TOX: variants seen among roughly 807,000 people sequenced by gnomAD.
The protein encoded by TOX is thymocyte selection associated high mobility group box.
Under a neutral mutation model 53.7 loss-of-function variants are expected in TOX, and 11 were observed. The ratio of observed to expected loss-of-function variants is 0.20; its 90% CI spans 0.13 to 0.34. TOX has a LOEUF of 0.34. Among genes scored for constraint, TOX ranks in the 10% least tolerant of loss-of-function variants. TOX has a pLI of 1.00. For missense variants in TOX, 570 were observed against 664.6 expected, an observed-to-expected ratio of 0.86 and a Z score of 1.56; for synonymous variants, 225 against 245.3, an observed-to-expected ratio of 0.92 and a Z score of 0.77.
At chr8:58,945,707 T>C (rs1812512848) in intron 2 of TOX, among the ~76,000 whole-genome samples, 2 of 152,212 alleles carry the variant, frequency 1.3e-5, no homozygotes, top group Admixed American at 6.5e-5. Context: ...AAATGGAATG[T>C]TAATTATGCT....
At chr8:58,846,910 G>C (rs994685075) in intron 4 of TOX, among the ~76,000 whole-genome samples, 18 of 152,250 alleles carry the variant, frequency 1.2e-4, no homozygotes, top group African/African-American at 4.3e-4. Flanking sequence ...CCCAGAACAT[G>C]CAAGAATGGC....
intron 1 of TOX, among the ~76,000 whole-genome samples, chr8:59,040,308 G>A (rs1469473998): frequency 1.7e-5 from 2 of 120,540 alleles, no homozygotes; most frequent in Admixed American, 1.1e-4. Flanking sequence ...CAGCCTGGGC[G>A]ACAGAGCGAG....
chr8:59,003,257 GC>G (rs1813727146), intron 1 of TOX, among the ~76,000 whole-genome samples: 2 of 152,082 alleles, frequency 1.3e-5, no homozygotes, highest in Non-Finnish European at 2.9e-5. Context: ...TATTTTCAAT[GC>G]CTTTTTTCTA....
intron 1 of TOX, among the ~76,000 whole-genome samples, chr8:59,111,342 C>G (rs903651094): frequency 6.6e-6 from 1 of 152,120 alleles, no homozygotes; most frequent in Admixed American, 6.5e-5. Context: ...GTTTAAAGCC[C>G]TAAGATTCTC....
intron 1 of TOX, among the ~76,000 whole-genome samples, chr8:59,039,863 C>G (rs1196157439): frequency 6.6e-6 from 1 of 152,164 alleles, no homozygotes; most frequent in East Asian, 1.9e-4. Flanking sequence ...TAAGTACGAG[C>G]TTGAAGAAAC....
At chr8:59,058,815 C>G (rs570018776) in intron 1 of TOX, among the ~76,000 whole-genome samples, 1 of 152,186 alleles carries the variant, frequency 6.6e-6, no homozygotes, top group African/African-American at 2.4e-5. Context: ...ACCAAGGAGC[C>G]TTTCTCTGTT....
chr8:59,105,974 C>G (rs1032457615), intron 1 of TOX, among the ~76,000 whole-genome samples: 8 of 152,058 alleles, frequency 5.3e-5, no homozygotes, highest in African/African-American at 1.7e-4. Context: ...GGGTTTTAGG[C>G]ATTTCAGTAA....
rs116047075 is a variant in TOX at position 58,814,988 on chromosome 8, G to A, written c.1392+350C>T. Among the ~76,000 whole-genome samples the A allele has an allele frequency of 4.1e-3, 630 of 152,144 alleles. 5 individuals carry two copies. The highest frequency in any genetic ancestry group is 0.014 in the African/African-American group (595 of 41,518). ...AGAATTCTCTATTCCAAAGAGATTC[G>A]GCAGCACTTGGTATCTTAAAATAAC... On this transcript the variant is annotated intron_variant, in intron 7 of 8. Coordinates refer to ENST00000361421, the MANE Select transcript of TOX (RefSeq NM_014729.3).
Position 58,959,839 on chromosome 8 carries a change from T to G in TOX, c.168+104A>C, listed in dbSNP as rs1046000690. 1.3e-5 allele frequency: 15 copies of G among 1,178,432 alleles called. No homozygotes were observed. In the African/African-American group the frequency reaches 2.0e-4, roughly 15 times the overall value. 73.0% of individuals were successfully genotyped at this position (1,178,432 alleles called of 1,614,324 possible). On this transcript the variant is annotated intron_variant, in intron 2 of 8. Coordinates refer to ENST00000361421, the MANE Select transcript of TOX (RefSeq NM_014729.3). ...TGCTTTGTTTATAAATTATGATTAT[T>G]CCTGATTGCGGCAGTTACTGATAGT...
chr8:58,838,447 G>T, intron 4 of TOX, 136 bp from the exon 5 acceptor site: 3 of 679,128 alleles, frequency 4.4e-6, no homozygotes, highest in Non-Finnish European at 7.3e-6. Flanking sequence ...GGGACACATT[G>T]TTTTGTTATT....
At chr8:58,875,494 A>G (rs1288710990) in intron 3 of TOX, among the ~76,000 whole-genome samples, 2 of 152,092 alleles carry the variant, frequency 1.3e-5, no homozygotes, top group Non-Finnish European at 2.9e-5. Context: ...TTTTCAGGGC[A>G]GGCTCCATGA....
chr8:59,086,565 A>G (rs75328651), intron 1 of TOX, among the ~76,000 whole-genome samples: 1 of 152,340 alleles, frequency 6.6e-6, no homozygotes, highest in East Asian at 1.9e-4. Flanking sequence ...GATTCCAGGG[A>G]CGTAAAATCA....
At chr8:59,022,186 A>G (rs531734693) in intron 1 of TOX, among the ~76,000 whole-genome samples, 1 of 152,316 alleles carries the variant, frequency 6.6e-6, no homozygotes, top group South Asian at 2.1e-4. Flanking sequence ...TATGATTTAG[A>G]AACTCTAATC....
chr8:59,035,510 G>T (rs1814442562), intron 1 of TOX, among the ~76,000 whole-genome samples: 1 of 152,154 alleles, frequency 6.6e-6, no homozygotes, highest in South Asian at 2.1e-4. Flanking sequence ...AGTAACTGGG[G>T]ACTACAAGTG....
rs35347981 is a variant in TOX, at chr8:58,838,699, C to CTTTTTTTTTTTTTTTTTTTTTTTTT, written c.694-389_694-388insAAAAAAAAAAAAAAAAAAAAAAAAA. The stretch of plus-strand genomic sequence containing the variant: ...TTTCTTCTAAGGAAGTTATCCTTGT[C>CTTTTTTTTTTTTTTTTTTTTTTTTT]TTTTTTTTTTTTTTTTTTTTTGAGA... On this transcript the variant is annotated intron_variant, in intron 4 of 8. Transcript: ENST00000361421. Among the ~76,000 whole-genome samples the CTTTTTTTTTTTTTTTTTTTTTTTTT allele has an allele frequency of 3.4e-3, 299 of 88,862 alleles. 29 individuals are homozygous for CTTTTTTTTTTTTTTTTTTTTTTTTT. The highest frequency in any genetic ancestry group is 8.3e-3 in the African/African-American group (139 of 16,722). 58.3% of individuals were successfully genotyped at this position (88,862 alleles called of 152,430 possible).
intron 1 of TOX, among the ~76,000 whole-genome samples, chr8:58,968,538 C>T (rs1460516581): frequency 2.6e-5 from 4 of 152,096 alleles, no homozygotes; most frequent in East Asian, 3.9e-4. Flanking sequence ...AACTTGCTGC[C>T]GAAACTCACT....
At chr8:58,993,508 G>T (rs1356180995) in intron 1 of TOX, among the ~76,000 whole-genome samples, 2 of 152,186 alleles carry the variant, frequency 1.3e-5, no homozygotes, top group Non-Finnish European at 2.9e-5. Context: ...CATCTACATG[G>T]TACAGGAACT....
rs180871138 is a variant in TOX, at chr8:59,063,150, G to A, written c.102+55736C>T. The stretch of plus-strand genomic sequence containing the variant: ...CTGAAATCCTATGCATTTCTCAATG[G>A]AACTACCTAAAAACTAAGCACTGAG... On this transcript the variant is annotated intron_variant, in intron 1 of 8. Transcript: ENST00000361421. Among the ~76,000 whole-genome samples the A allele has an allele frequency of 3.9e-5, 6 of 152,110 alleles. No individual in the cohort carries two copies. The East Asian group carries it at 1.2e-3, about 29-fold the overall frequency.
intron 3 of TOX, among the ~76,000 whole-genome samples, chr8:58,902,056 G>T (rs964724369): frequency 6.6e-6 from 1 of 151,994 alleles, no homozygotes; most frequent in African/African-American, 2.4e-5. Context: ...TCATTTTCTT[G>T]ATTCTGGTAA....
Sources: gnomAD v4.1 joint callset for allele counts (sites outside exome capture counted in the v4.1 genomes callset) on GRCh38, gnomAD v4.1.1 for gene constraint, MANE v1.5 for transcripts, NCBI Gene and HGNC (gene_info 2026-07-23, HGNC 2026-07-21) for gene names.